Variants in IQSEC1 observed in about 807,000 individuals in gnomAD.
IQSEC1 encodes IQ motif and SEC7 domain-containing protein 1.
In IQSEC1, 31 loss-of-function variants were observed where a neutral mutation model predicts 91.0. That is an observed-to-expected ratio of 0.34 (90% CI 0.26 to 0.46). The LOEUF is 0.46. IQSEC1 is among the 20% of genes least tolerant of loss of function. IQSEC1 has a pLI of 1.00. For missense variants in IQSEC1, 1,388 were observed against 1,575.6 expected, an observed-to-expected ratio of 0.88 and a Z score of 2.02; for synonymous variants, 699 against 662.6, an observed-to-expected ratio of 1.05 and a Z score of -0.84.
chr3:13,273,720 A>ATG (rs1391854222), intron 1 of IQSEC1, among the ~76,000 whole-genome samples: 1 of 151,900 alleles, frequency 6.6e-6, no homozygotes. Context: ...TCCTGCCCAG[A>ATG]CCTAAGTCCC....
rs1700277772 is a variant in IQSEC1, at chr3:12,962,130, A to T, written c.24-20265T>A. Among the ~76,000 whole-genome samples, 3 of 152,240 alleles carry T rather than the reference A, an allele frequency of 2.0e-5. No homozygotes were observed. The South Asian group carries it at 6.2e-4, about 31-fold the overall frequency. On this transcript the variant is annotated intron_variant, in intron 1 of 13. Coordinates refer to ENST00000613206, the MANE Select transcript of IQSEC1 (RefSeq NM_001134382.3). ...TAGGGAGGCAGACGACCAACGGTCA[A>T]TCAGGGCCAGTTCTGGACAGGCCTT...
chr3:13,171,064 C>G (rs1693598493), intron 1 of IQSEC1, among the ~76,000 whole-genome samples: 1 of 151,962 alleles, frequency 6.6e-6, no homozygotes, highest in Non-Finnish European at 1.5e-5. Flanking sequence ...TGCGCCAATG[C>G]ACTCCAGCCT....
At chr3:13,165,607 C>T (rs2124990169) in intron 1 of IQSEC1, among the ~76,000 whole-genome samples, 1 of 139,998 alleles carries the variant, frequency 7.1e-6, no homozygotes, top group Non-Finnish European at 1.5e-5. Flanking sequence ...TCATCGCCAT[C>T]TTAGGTTGCT....
At chr3:13,258,070 G>A (rs1481428833) in intron 1 of IQSEC1, among the ~76,000 whole-genome samples, 2 of 152,234 alleles carry the variant, frequency 1.3e-5, no homozygotes, top group African/African-American at 2.4e-5. Context: ...TGACCTGGAG[G>A]GAGAGAGGGA....
At chr3:13,231,580 T>C (rs946238849) in intron 1 of IQSEC1, among the ~76,000 whole-genome samples, 4 of 152,040 alleles carry the variant, frequency 2.6e-5, no homozygotes, top group Admixed American at 1.3e-4. Flanking sequence ...AATATCAACA[T>C]GATGGGGATT....
At chr3:12,955,668 C>A (rs1047755109) in intron 1 of IQSEC1, among the ~76,000 whole-genome samples, 19 of 152,262 alleles carry the variant, frequency 1.2e-4, no homozygotes, top group African/African-American at 4.1e-4. Context: ...CTGCAGCCAA[C>A]CCCAGGACAG....
chr3:13,146,944 T>C (rs1025458896), intron 2 of IQSEC1, among the ~76,000 whole-genome samples: 1 of 151,950 alleles, frequency 6.6e-6, no homozygotes, highest in Non-Finnish European at 1.5e-5. Flanking sequence ...CCCTCTAGAG[T>C]GCAGGGTTCA....
At chr3:13,227,816 C>T (rs934786343) in intron 1 of IQSEC1, among the ~76,000 whole-genome samples, 5 of 152,154 alleles carry the variant, frequency 3.3e-5, no homozygotes, top group Admixed American at 1.3e-4. Context: ...CACAGGAAGA[C>T]GTCCACACGT....
At chr3:13,161,352 G>A (rs964068716) in intron 2 of IQSEC1, among the ~76,000 whole-genome samples, 2 of 152,208 alleles carry the variant, frequency 1.3e-5, no homozygotes, top group South Asian at 4.1e-4. Context: ...CTCCCCTCTA[G>A]CGGGTCTGGA....
At chr3:13,072,937 C>T (rs1468371538) in intron 1 of IQSEC1, 55 bp downstream of exon 1, 5 of 1,483,572 alleles carry the variant, frequency 3.4e-6, no homozygotes, top group African/African-American at 1.4e-5. Flanking sequence ...GCTCCCAGCT[C>T]AGCCGGGCCC....
At chr3:13,034,771 G>C (rs905723769) in intron 1 of IQSEC1, among the ~76,000 whole-genome samples, 4 of 152,216 alleles carry the variant, frequency 2.6e-5, no homozygotes, top group Admixed American at 2.0e-4. Context: ...CTGACCCTCT[G>C]GGGTATTTCT....
At chr3:13,065,992 T>A (rs148109848) in intron 1 of IQSEC1, among the ~76,000 whole-genome samples, 1 of 152,246 alleles carries the variant, frequency 6.6e-6, no homozygotes, top group Non-Finnish European at 1.5e-5. Flanking sequence ...AAAGGACAAA[T>A]GCTGTCTGAT....
chr3:12,992,763 G>A lies in IQSEC1; in HGVS notation c.24-50898C>T, dbSNP rs542667398. ...CTCATCTCCTGGACAAGGCCAGGGGGAGGGGACACCCACTGTCACCTTTCT... is the reference window on the plus strand; with the variant it reads ...CTCATCTCCTGGACAAGGCCAGGGGAAGGGGACACCCACTGTCACCTTTCT... On this transcript the variant is annotated intron_variant, in intron 1 of 13. Transcript: ENST00000613206. This position sits in a 1 kb window ranked among gnomAD's most constrained non-coding sequence, Gnocchi z 4.1. 1.3e-5 allele frequency among the ~76,000 whole-genome samples: 2 copies of A among 152,244 alleles called. No homozygotes were observed. Among genetic ancestry groups the A allele is most frequent in the African/African-American group, 4.8e-5 (2 of 41,470 alleles).
At chr3:13,015,832 T>G (rs1017244020) in intron 1 of IQSEC1, 1 of 442,012 alleles carries the variant, frequency 2.3e-6, no homozygotes. Flanking sequence ...CAAACCCAAA[T>G]GGCTTCACTG....
At chr3:13,007,004 A>G (rs1259324444) in intron 1 of IQSEC1, among the ~76,000 whole-genome samples, 2 of 152,170 alleles carry the variant, frequency 1.3e-5, no homozygotes, top group East Asian at 3.9e-4. Flanking sequence ...ATAGATGAGG[A>G]AACAGATTCA....
intron 2 of IQSEC1, among the ~76,000 whole-genome samples, chr3:13,152,752 C>T (rs565216578): frequency 1.1e-4 from 16 of 152,254 alleles, no homozygotes; most frequent in African/African-American, 3.6e-4. Context: ...GCGCCGTAAT[C>T]TCAGCTACTC....
chr3:13,140,616 C>T (rs1268836246), intron 2 of IQSEC1, among the ~76,000 whole-genome samples: 1 of 152,166 alleles, frequency 6.6e-6, no homozygotes, highest in Non-Finnish European at 1.5e-5. Flanking sequence ...TGTGTTGCTA[C>T]CAAAGGCCAG....
Position 13,064,171 on chromosome 3 carries a change from C to T in IQSEC1, c.23+8821G>A, listed in dbSNP as rs146170942. ...TTGCTTGTACCGTGGAGCCTGCATA[C>T]ATGATACGCCTGCATAGAACTAAAC... On this transcript the variant is annotated intron_variant, in intron 1 of 13. Coordinates refer to ENST00000613206, the MANE Select transcript of IQSEC1 (RefSeq NM_001134382.3). Among the ~76,000 whole-genome samples the T allele has an allele frequency of 7.2e-5, 11 of 152,278 alleles. No individual in the cohort carries two copies. In the East Asian group the frequency reaches 1.7e-3, roughly 24 times the overall value.
At chr3:13,004,797 C>T (rs1405520299) in intron 1 of IQSEC1, among the ~76,000 whole-genome samples, 1 of 152,120 alleles carries the variant, frequency 6.6e-6, no homozygotes, top group African/African-American at 2.4e-5. Flanking sequence ...CCACCAAAAA[C>T]CCAGCATCGG....
Sources: allele counts gnomAD v4.1 joint callset (sites outside exome capture counted in the v4.1 genomes callset), GRCh38; gene constraint gnomAD v4.1.1; non-coding constraint Gnocchi (gnomAD v3.1); transcripts MANE v1.5; gene names NCBI Gene and HGNC (gene_info 2026-07-23, HGNC 2026-07-21).